ZDHHC19: variants seen among roughly 807,000 people sequenced by gnomAD.
ZDHHC19 encodes zDHHC palmitoyltransferase 19, also known as palmitoyltransferase ZDHHC19.
A neutral mutation model predicts 33.9 loss-of-function variants in ZDHHC19; 30 were observed. The ratio of observed to expected loss-of-function variants is 0.88; its 90% CI spans 0.66 to 1.20. The LOEUF (loss-of-function observed/expected upper bound fraction) is 1.20. Ranked by LOEUF, ZDHHC19 falls within the 50% of genes most tolerant of loss-of-function variation. The pLI is 0.00. For synonymous variants in ZDHHC19, 178 were observed against 167.6 expected (o/e 1.06, Z -0.48); for missense variants, 364 against 401.1 (o/e 0.91, Z 0.79).
intron 5 of ZDHHC19, among the ~76,000 whole-genome samples, chr3:196,200,359 A>AATT (rs1553817394): frequency 2.4e-5 from 3 of 124,008 alleles, no homozygotes; most frequent in African/African-American, 6.3e-5. Flanking sequence ...TATATATATA[A>AATT]TTTTTTTTTT....
In ZDHHC19 at chr3:196,209,812, C is replaced by T. The variant is rs557954290; in HGVS notation, c.269-297G>A. 6.6e-5 allele frequency among the ~76,000 whole-genome samples: 10 copies of T among 152,344 alleles called. 1 individual carries two copies. In the South Asian group the frequency reaches 1.4e-3, roughly 22 times the overall value. On this transcript the variant is annotated intron_variant, in intron 2 of 7. Transcript: ENST00000296326. The stretch of plus-strand genomic sequence containing the variant: ...ACAGTGGTTTGGAAGAGCCCACTGG[C>T]TTCTGGCCCTGGCCTGCCCGGTCCT...
At position 196,203,011 on chromosome 3, in the gene ZDHHC19, G is replaced by C. The variant is rs1249697462; in HGVS notation, c.688-4137C>G. Among the ~76,000 whole-genome samples, 1 of 152,150 alleles carries C rather than the reference G, an allele frequency of 6.6e-6. No homozygotes were observed. Among genetic ancestry groups the C allele is most frequent in the East Asian group, 1.9e-4 (1 of 5,202 alleles). On this transcript the variant is annotated intron_variant, in intron 5 of 7. Transcript: ENST00000296326. The surrounding 1 kb of genome is among the most constrained non-coding windows in gnomAD (Gnocchi z 4.3). ...CGCAGTGGCTCAGCCTGTAATCCCA[G>C]CACTTTGGGAGGCCGAGGCGAGTGG...
At position 196,209,501 on chromosome 3, in the gene ZDHHC19, C is replaced by A; in HGVS notation, c.283G>T (p.Gly95Cys). 2 of 1,612,930 alleles carry A rather than the reference C, an allele frequency of 1.2e-6. No homozygotes were observed. Among genetic ancestry groups the A allele is most frequent in the Non-Finnish European group, 1.7e-6 (2 of 1,179,760 alleles). ...GILHQGSAEQGPLTVHVVWVN... is the reference protein window; with the variant it reads ...GILHQGSAEQCPLTVHVVWVN... ...CACACCACGTGCACCGTCAAGGGGCCCTGCTCAGCGGAGCCTGGCGTGGGA... is the reference window on the plus strand; with the variant it reads ...CACACCACGTGCACCGTCAAGGGGCACTGCTCAGCGGAGCCTGGCGTGGGA... The change falls in exon 3 of 8, where the codon GGC becomes TGC. Residue 95 changes from glycine to cysteine, a missense_variant. Coordinates refer to ENST00000296326, the MANE Select transcript of ZDHHC19 (RefSeq NM_001039617.2).
Position 196,210,644 on chromosome 3 carries a change from G to T in ZDHHC19, c.240C>A (p.Asn80Lys). 1.2e-6 allele frequency: 2 copies of T among 1,614,130 alleles called. No individual in the cohort carries two copies. The highest frequency in any genetic ancestry group is 1.7e-6 in the Non-Finnish European group (2 of 1,180,002). The change falls in exon 2 of 8, where the codon AAC becomes AAA. Residue 80 changes from asparagine (N) to lysine (K), a missense_variant. Asn to Lys is a moderately conservative substitution (Grantham distance 94, BLOSUM62 0). Coordinates refer to ENST00000296326, the MANE Select transcript of ZDHHC19 (RefSeq NM_001039617.2). The stretch of plus-strand genomic sequence containing the variant: ...GATGTAAGATGCCAGGGTCTGAGAA[G>T]TTGAGTGAAACAAGACTGAAGAAGG... ...VLTFFSLVSL[N>K]FSDPGILHQG...
At chr3:196,200,472 A>T (rs539733131) in intron 5 of ZDHHC19, among the ~76,000 whole-genome samples, 1 of 146,644 alleles carries the variant, frequency 6.8e-6, no homozygotes, top group South Asian at 2.1e-4. Flanking sequence ...CTCCTGCCTC[A>T]GCCTCCCAAG....
chr3:196,211,071 T>C, intron 1 of ZDHHC19, 99 bp downstream of exon 1: 1 of 1,576,122 alleles, frequency 6.3e-7, no homozygotes, highest in South Asian at 1.1e-5. Flanking sequence ...CCCTGACCTC[T>C]CCCCCGGTCT....
At chr3:196,202,691 C>T (rs970368275) in intron 5 of ZDHHC19, among the ~76,000 whole-genome samples, 9 of 152,234 alleles carry the variant, frequency 5.9e-5, no homozygotes, top group African/African-American at 2.2e-4. Context: ...TTCACAAGCT[C>T]AAGCTGCTGT....
chr3:196,207,526 C>G (rs1337637651), intron 4 of ZDHHC19, 23 bp from the exon 5 acceptor site: 1 of 1,527,152 alleles, frequency 6.5e-7, no homozygotes. Context: ...AGGAACCGGG[C>G]TGCGGGACCC....
intron 5 of ZDHHC19, 46 bp downstream of exon 5, chr3:196,207,352 G>A (rs1216492788): frequency 2.0e-6 from 3 of 1,502,040 alleles, no homozygotes; most frequent in Non-Finnish European, 1.8e-6. Flanking sequence ...CGCGGGAAGC[G>A]CGGAGGTCCC....
intron 5 of ZDHHC19, among the ~76,000 whole-genome samples, chr3:196,200,898 C>T (rs968509480): frequency 2.6e-5 from 4 of 151,644 alleles, no homozygotes; most frequent in Non-Finnish European, 5.9e-5. Context: ...GATCTTCCCA[C>T]CTCAGCCTTT....
intron 5 of ZDHHC19, among the ~76,000 whole-genome samples, chr3:196,202,619 C>T (rs1017839464): frequency 3.3e-5 from 5 of 152,208 alleles, no homozygotes; most frequent in Non-Finnish European, 5.9e-5. Context: ...GCAGAGGAGC[C>T]GCGCAGGAGG....
chr3:196,198,178 G>T, intron 7 of ZDHHC19, 98 bp downstream of exon 7: 1 of 1,215,482 alleles, frequency 8.2e-7, no homozygotes, highest in South Asian at 2.7e-5. Context: ...CAGCTTCAGG[G>T]TCAGCCAAAC....
intron 5 of ZDHHC19, among the ~76,000 whole-genome samples, chr3:196,200,500 GC>G (rs1577314978): frequency 1.3e-5 from 2 of 149,594 alleles, no homozygotes; most frequent in African/African-American, 2.5e-5. Flanking sequence ...GATTACAGGT[GC>G]TCGCCACCAC....
At chr3:196,198,901 G>A in intron 5 of ZDHHC19, 27 bp from the exon 6 acceptor site, 1 of 1,609,650 alleles carries the variant, frequency 6.2e-7, no homozygotes, top group East Asian at 2.2e-5. Flanking sequence ...ACCGGAAGAG[G>A]AGCTCAGAAC....
In ZDHHC19 at chr3:196,198,290, C is replaced by A. The variant is rs1721955432; in HGVS notation, c.*5G>T. The A allele has an allele frequency of 6.7e-7, 1 of 1,501,948 alleles. No individual in the cohort carries two copies. The highest frequency in any genetic ancestry group is 8.9e-7 in the Non-Finnish European group (1 of 1,126,492). The allele number at this position is 1,501,948 out of a possible 1,614,324, so 93.0% of individuals were successfully genotyped here. A position where few individuals can be genotyped will look rare whatever the true frequency, so the allele number is the denominator to read the frequency against. On this transcript the variant is annotated 3_prime_UTR_variant, in exon 7 of 8. Coordinates refer to ENST00000296326, the MANE Select transcript of ZDHHC19 (RefSeq NM_001039617.2). ...ACGCTTCTTACCTCCTGGAGAGCTG[C>A]AGCCTCACCACGCCCCGGGGGTCCC...
chr3:196,207,142 G>A (rs1445501920), intron 5 of ZDHHC19, among the ~76,000 whole-genome samples: 1 of 152,196 alleles, frequency 6.6e-6, no homozygotes, highest in East Asian at 1.9e-4. Context: ...AGTGTGGAAT[G>A]TAGCCTTACT....
At chr3:196,210,559 C>G (rs1723210348) in intron 2 of ZDHHC19, 57 bp downstream of exon 2, 1 of 1,610,998 alleles carries the variant, frequency 6.2e-7, no homozygotes, top group Non-Finnish European at 8.5e-7. Flanking sequence ...GGAATCCCCC[C>G]TGCAGGTTCC....
intron 2 of ZDHHC19, 106 bp from the exon 3 acceptor site, chr3:196,209,621 G>A: frequency 6.9e-7 from 1 of 1,447,592 alleles, no homozygotes. Context: ...GGACAAGGTG[G>A]GCAGGGGAAC....
intron 5 of ZDHHC19, among the ~76,000 whole-genome samples, chr3:196,201,700 G>A (rs896901193): frequency 7.2e-5 from 11 of 151,852 alleles, no homozygotes; most frequent in East Asian, 5.9e-4. Flanking sequence ...CAGCCTGGAC[G>A]ACAGAGTGAG....
Sources: gnomAD v4.1 joint callset for allele counts (sites outside exome capture counted in the v4.1 genomes callset) on GRCh38, gnomAD v4.1.1 for gene constraint, Gnocchi (gnomAD v3.1) non-coding constraint, MANE v1.5 for transcripts, NCBI Gene and HGNC (gene_info 2026-07-23, HGNC 2026-07-21) for gene names.